The following SLC35F3 variants were observed in gnomAD, a reference collection of about 807,000 sequenced individuals.
SLC35F3 encodes the protein putative thiamine transporter SLC35F3.
In SLC35F3, 25 loss-of-function variants were observed where a neutral mutation model predicts 49.9. The ratio of observed to expected loss-of-function variants is 0.50; its 90% CI spans 0.37 to 0.70. The LOEUF (loss-of-function observed/expected upper bound fraction) is 0.70, where lower values mean the gene tolerates loss of function less well. SLC35F3 is among the 30% of genes least tolerant of loss of function. The probability of loss-of-function intolerance (pLI) is 0.00; values close to 1 mark genes in which losing one functional copy is unlikely to be tolerated. For missense variants in SLC35F3, 525 were observed against 639.8 expected (o/e 0.82, Z 1.94); for synonymous variants, 275 against 265.4 (o/e 1.04, Z -0.35).
intron 2 of SLC35F3, among the ~76,000 whole-genome samples, chr1:234,095,950 G>C (rs1260967190): frequency 6.6e-6 from 1 of 152,190 alleles, no homozygotes; most frequent in African/African-American, 2.4e-5. Flanking sequence ...ACTGTGCAAT[G>C]GGACATTTTC....
chr1:234,138,491 C>A (rs1036043539), intron 2 of SLC35F3, among the ~76,000 whole-genome samples: 11 of 152,168 alleles, frequency 7.2e-5, no homozygotes, highest in African/African-American at 2.7e-4. Flanking sequence ...GTGCTGAGGG[C>A]ACAGTTTCAA....
At chr1:234,252,217 A>G (rs1208614337) in intron 3 of SLC35F3, among the ~76,000 whole-genome samples, 1 of 152,042 alleles carries the variant, frequency 6.6e-6, no homozygotes, top group African/African-American at 2.4e-5. Context: ...TTATAGGCCC[A>G]CACCACTACG....
intron 2 of SLC35F3, among the ~76,000 whole-genome samples, chr1:234,070,670 G>C (rs1382309187): frequency 2.0e-5 from 3 of 151,920 alleles, no homozygotes; most frequent in Admixed American, 1.3e-4. Flanking sequence ...AATCTCATCA[G>C]GTTCATAGAA....
Position 234,108,684 on chromosome 1 carries a change from T to A in SLC35F3, c.284-122733T>A, listed in dbSNP as rs57407980. On this transcript the variant is annotated intron_variant, in intron 2 of 7. Transcript: ENST00000366618. ...ATATATATAAAAGATATATATATTT[T>A]TATATATAAAATATATATTATATAT... Among the ~76,000 whole-genome samples the A allele has an allele frequency of 1.5e-3, 168 of 108,518 alleles. 1 individual carries two copies. Among genetic ancestry groups the A allele is most frequent in the African/African-American group, 3.4e-3 (82 of 24,332 alleles). 71.2% of individuals were successfully genotyped at this position (108,518 alleles called of 152,430 possible).
In SLC35F3 at chr1:234,175,247, C is replaced by A. The variant is rs138516342; in HGVS notation, c.284-56170C>A. Among the ~76,000 whole-genome samples the A allele has an allele frequency of 5.6e-3, 857 of 152,350 alleles. 6 individuals carry two copies. The highest frequency in any genetic ancestry group is 0.028 in the South Asian group (135 of 4,828). ...CTAGCAGTATCTGCCCTGGGAAAAT[C>A]CTCTTCATTTTGGTCCAAAGAAGCA... On this transcript the variant is annotated intron_variant, in intron 2 of 7. Coordinates refer to ENST00000366618, the MANE Select transcript of SLC35F3 (RefSeq NM_173508.4).
At chr1:233,979,261 G>T (rs1196957249) in intron 2 of SLC35F3, among the ~76,000 whole-genome samples, 1 of 152,044 alleles carries the variant, frequency 6.6e-6, no homozygotes, top group Non-Finnish European at 1.5e-5. Context: ...TGGGAGAGCT[G>T]GTTCCATCTG....
chr1:234,217,686 C>G (rs991960856), intron 2 of SLC35F3, among the ~76,000 whole-genome samples: 9 of 151,846 alleles, frequency 5.9e-5, no homozygotes, highest in Admixed American at 1.3e-4. Context: ...GGAGGCTTTT[C>G]TGAGAAGGAG....
At position 234,216,332 on chromosome 1, in the gene SLC35F3, G is replaced by C. The variant is rs573710758; in HGVS notation, c.284-15085G>C. ...GAAACTCCCAGCCCACCTTAGGCAG[G>C]ACAGGTTCGAACTGCACTGGAAGTG... On this transcript the variant is annotated intron_variant, in intron 2 of 7. Coordinates refer to ENST00000366618, the MANE Select transcript of SLC35F3 (RefSeq NM_173508.4). 1.7e-3 allele frequency among the ~76,000 whole-genome samples: 264 copies of C among 152,298 alleles called. 1 individual carries two copies. Among genetic ancestry groups the C allele is most frequent in the African/African-American group, 6.2e-3 (257 of 41,558 alleles).
At chr1:233,953,047 A>G (rs1311360565) in intron 2 of SLC35F3, among the ~76,000 whole-genome samples, 2 of 152,166 alleles carry the variant, frequency 1.3e-5, no homozygotes, top group African/African-American at 2.4e-5. Context: ...TAGTGAGACA[A>G]TGTGAAAAAA....
intron 2 of SLC35F3, among the ~76,000 whole-genome samples, chr1:234,068,124 A>C (rs2102866127): frequency 6.6e-6 from 1 of 152,330 alleles, no homozygotes; most frequent in Non-Finnish European, 1.5e-5. Context: ...TGAGATTGGA[A>C]GGGAGACAGA....
At chr1:234,071,163 C>A (rs1664708177) in intron 2 of SLC35F3, among the ~76,000 whole-genome samples, 1 of 152,190 alleles carries the variant, frequency 6.6e-6, no homozygotes, top group South Asian at 2.1e-4. Context: ...AGGGACCTGG[C>A]AAGTCAAGAA....
intron 2 of SLC35F3, among the ~76,000 whole-genome samples, chr1:234,030,830 AC>A (rs549944111): frequency 1.3e-3 from 200 of 152,320 alleles, no homozygotes; most frequent in Non-Finnish European, 2.1e-3. Context: ...ATTGGGATAA[AC>A]CAAGAGAAAA....
intron 2 of SLC35F3, among the ~76,000 whole-genome samples, chr1:234,030,578 CTCAT>C (rs1664047347): frequency 6.6e-6 from 1 of 152,166 alleles, no homozygotes; most frequent in Non-Finnish European, 1.5e-5. Flanking sequence ...TCCTCCAAGG[CTCAT>C]TCATCCATTG....
rs532287053 is a variant in SLC35F3 at position 234,224,663 on chromosome 1, C to T, written c.284-6754C>T. 4.7e-4 allele frequency among the ~76,000 whole-genome samples: 72 copies of T among 152,342 alleles called. No individual in the cohort carries two copies. In the South Asian group the frequency reaches 7.0e-3, roughly 15 times the overall value. On this transcript the variant is annotated intron_variant, in intron 2 of 7. Coordinates refer to ENST00000366618, the MANE Select transcript of SLC35F3 (RefSeq NM_173508.4). ...AAGGGGAGAACGAGAGGAATGAGTA[C>T]ATTCTGTATTCCCGTTGATGCTCTG...
chr1:233,905,943 G>T (rs1391991186), intron 2 of SLC35F3, among the ~76,000 whole-genome samples, 185 bp downstream of exon 2: 24 of 152,196 alleles, frequency 1.6e-4, no homozygotes, highest in Admixed American at 1.6e-3. Context: ...GACCTCTGAG[G>T]CGTTCTGATG....
chr1:233,959,047 G>T (rs891902951), intron 2 of SLC35F3, among the ~76,000 whole-genome samples: 1 of 152,110 alleles, frequency 6.6e-6, no homozygotes, highest in Non-Finnish European at 1.5e-5. Context: ...AAAGGTTAAG[G>T]GTCCATTTCC....
chr1:234,201,544 G>A (rs1666900013), intron 2 of SLC35F3, among the ~76,000 whole-genome samples: 3 of 152,164 alleles, frequency 2.0e-5, no homozygotes, highest in Admixed American at 2.0e-4. Flanking sequence ...GTATTAGGTT[G>A]CTACAAATCC....
intron 2 of SLC35F3, among the ~76,000 whole-genome samples, chr1:233,994,738 C>T (rs1026728854): frequency 6.6e-6 from 1 of 152,164 alleles, no homozygotes; most frequent in Non-Finnish European, 1.5e-5. Flanking sequence ...TAACCACTGG[C>T]TCTCACATGA....
chr1:234,221,230 G>GTT (rs1667200178), intron 2 of SLC35F3, among the ~76,000 whole-genome samples: 1 of 152,146 alleles, frequency 6.6e-6, no homozygotes, highest in African/African-American at 2.4e-5. Context: ...TGGTTGAAGT[G>GTT]TTTGACAGTG....
Sources: allele counts gnomAD v4.1 joint callset (sites outside exome capture counted in the v4.1 genomes callset), GRCh38; gene constraint gnomAD v4.1.1; transcripts MANE v1.5; gene names NCBI Gene and HGNC (gene_info 2026-07-23, HGNC 2026-07-21).